The following CSTPP1 variants were observed in gnomAD, a reference collection of about 807,000 sequenced individuals.
CSTPP1 encodes the protein UPF0705 protein C11orf49.
At chr11:47,132,167 G>A in the CSTPP1 span, among the ~76,000 whole-genome samples, 1 of 152,220 alleles carries the variant, frequency 6.6e-6, no homozygotes, top group East Asian at 1.9e-4. Flanking sequence ...ACAACTCCTG[G>A]TTTCTCCTCA....
chr11:46,975,553 T>A, the CSTPP1 span, among the ~76,000 whole-genome samples: 1 of 152,318 alleles, frequency 6.6e-6, no homozygotes, highest in Non-Finnish European at 1.5e-5. Context: ...CCTTTTACTT[T>A]AGCTTTTCTC....
At chr11:47,137,429 T>C in the CSTPP1 span, 5 of 1,511,800 alleles carry the variant, frequency 3.3e-6, no homozygotes, top group Admixed American at 1.0e-4. Flanking sequence ...GTCAAAATGG[T>C]GTAACTGGAT....
chr11:46,968,302 C>T, the CSTPP1 span, among the ~76,000 whole-genome samples: 2 of 148,944 alleles, frequency 1.3e-5, no homozygotes, highest in African/African-American at 2.5e-5. Flanking sequence ...AAAATGTAAA[C>T]ATCCCTCAAT....
the CSTPP1 span, among the ~76,000 whole-genome samples, chr11:46,942,643 G>GT: frequency 6.7e-5 from 10 of 149,324 alleles, no homozygotes; most frequent in Admixed American, 1.3e-4. Flanking sequence ...AAATTGGGTA[G>GT]TTTTTTTTTT....
chr11:46,975,227 T>C, the CSTPP1 span, among the ~76,000 whole-genome samples: 3 of 151,738 alleles, frequency 2.0e-5, no homozygotes, highest in Non-Finnish European at 4.4e-5. Context: ...CAGTGAGCCA[T>C]GATCACACCA....
chr11:47,039,363 C>T, the CSTPP1 span, among the ~76,000 whole-genome samples: 1 of 127,512 alleles, frequency 7.8e-6, no homozygotes, highest in African/African-American at 2.5e-5. Flanking sequence ...ACCAGTCAGG[C>T]GTGGCGGCGC....
the CSTPP1 span, among the ~76,000 whole-genome samples, chr11:46,975,105 G>A: frequency 2.0e-5 from 3 of 151,812 alleles, no homozygotes; most frequent in African/African-American, 7.3e-5. Context: ...GTGAGACCCT[G>A]TCTCTACAAA....
the CSTPP1 span, among the ~76,000 whole-genome samples, chr11:46,944,138 T>C: frequency 6.6e-6 from 1 of 151,906 alleles, no homozygotes; most frequent in East Asian, 1.9e-4. Context: ...GCCAAAATGG[T>C]GAAACCCCAT....
At chr11:47,158,702 T>A in the CSTPP1 span, among the ~76,000 whole-genome samples, 2 of 151,914 alleles carry the variant, frequency 1.3e-5, no homozygotes, top group Non-Finnish European at 2.9e-5. Context: ...TCCTGGAAAA[T>A]TTTTGTGTTT....
the CSTPP1 span, among the ~76,000 whole-genome samples, chr11:47,049,482 C>CA: frequency 4.6e-3 from 694 of 151,500 alleles, 6 homozygotes; most frequent in Non-Finnish European, 6.3e-3. Context: ...ACTAAAAATC[C>CA]AAAAAAATAG....
the CSTPP1 span, among the ~76,000 whole-genome samples, chr11:46,999,981 C>T: frequency 1.3e-5 from 2 of 152,150 alleles, no homozygotes; most frequent in African/African-American, 4.8e-5. Flanking sequence ...TTGTGTATGT[C>T]TGCAAGACCA....
chr11:46,936,813 G>C, the CSTPP1 span: 1 of 1,610,234 alleles, frequency 6.2e-7, no homozygotes, highest in Non-Finnish European at 8.5e-7. Flanking sequence ...AGGATGCTGA[G>C]TCCGGAGCGC....
At chr11:47,127,769 T>C in the CSTPP1 span, among the ~76,000 whole-genome samples, 2 of 152,166 alleles carry the variant, frequency 1.3e-5, no homozygotes. Context: ...ATTATTACTA[T>C]TATTCACTGT....
chr11:47,001,113 C>G, the CSTPP1 span, among the ~76,000 whole-genome samples: 3 of 152,116 alleles, frequency 2.0e-5, no homozygotes, highest in Admixed American at 2.0e-4. Context: ...GGGTGATGCA[C>G]CTTTTCTTTG....
At chr11:47,036,188 TTATATTA>T in the CSTPP1 span, among the ~76,000 whole-genome samples, 149 of 53,910 alleles carry the variant, frequency 2.8e-3, 2 homozygotes, top group African/African-American at 7.7e-3. Flanking sequence ...AAATATATAT[TTATATTA>T]TATATTATAT....
At chr11:47,062,476 C>A in the CSTPP1 span, among the ~76,000 whole-genome samples, 1 of 152,120 alleles carries the variant, frequency 6.6e-6, no homozygotes, top group Non-Finnish European at 1.5e-5. Context: ...ATAGCTACCC[C>A]TTATTGAGCA....
chr11:47,155,579 A>C, the CSTPP1 span: 1 of 409,232 alleles, frequency 2.4e-6, no homozygotes, highest in South Asian at 3.2e-5. Flanking sequence ...GCTTACTGAA[A>C]ACTTACTATG....
the CSTPP1 span, chr11:47,041,772 G>A: frequency 6.1e-5 from 32 of 527,014 alleles, 2 homozygotes; most frequent in African/African-American, 5.7e-4. Flanking sequence ...CATCTGAGAT[G>A]TTGTGGGCTA....
At chr11:47,020,262 A>G in the CSTPP1 span, among the ~76,000 whole-genome samples, 2 of 152,190 alleles carry the variant, frequency 1.3e-5, no homozygotes, top group African/African-American at 4.8e-5. Flanking sequence ...TACATACTGG[A>G]GAATAGTTTA....
Sources: gnomAD v4.1 joint callset for allele counts (sites outside exome capture counted in the v4.1 genomes callset) on GRCh38, gnomAD v4.1.1 for gene constraint, MANE v1.5 for transcripts, NCBI Gene and HGNC (gene_info 2026-07-23, HGNC 2026-07-21) for gene names.